Variants in CASD1 observed in about 807,000 individuals in gnomAD.
The protein encoded by CASD1 is N-acetylneuraminate (7)9-O-acetyltransferase.
CASD1 carries 41 observed loss-of-function variants against 100.0 expected under a neutral mutation model. The observed-to-expected ratio is 0.41, with a 90% CI of 0.32 to 0.53. The LOEUF (loss-of-function observed/expected upper bound fraction) is 0.53. Ranked by LOEUF, CASD1 falls within the 20% of genes least tolerant of loss-of-function variation. The probability of loss-of-function intolerance (pLI) is 0.25; values close to 1 mark genes in which losing one functional copy is unlikely to be tolerated. For synonymous variants in CASD1, 321 were observed against 315.6 expected (o/e 1.02, Z -0.18); for missense variants, 774 against 948.7 (o/e 0.82, Z 2.42).
intron 10 of CASD1, among the ~76,000 whole-genome samples, chr7:94,543,616 C>G (rs1216568864): frequency 6.6e-6 from 1 of 151,054 alleles, no homozygotes; most frequent in African/African-American, 2.4e-5. Context: ...GATCACGCCA[C>G]TGCATTCCAG....
At chr7:94,570,741 C>G in the CASD1 span, among the ~76,000 whole-genome samples, 1 of 152,050 alleles carries the variant, frequency 6.6e-6, no homozygotes, top group Non-Finnish European at 1.5e-5. Flanking sequence ...GTGATCCAAC[C>G]ACCTTGGCCT....
At chr7:94,632,724 C>A in the CASD1 span, among the ~76,000 whole-genome samples, 1 of 152,072 alleles carries the variant, frequency 6.6e-6, no homozygotes, top group Non-Finnish European at 1.5e-5. Flanking sequence ...CTTTCCCTTT[C>A]GCATTTGTTA....
chr7:94,610,010 A>C, the CASD1 span, among the ~76,000 whole-genome samples: 1 of 152,324 alleles, frequency 6.6e-6, no homozygotes, highest in East Asian at 1.9e-4. Flanking sequence ...CAGAAAATGG[A>C]ATATTATTCA....
intron 14 of CASD1, among the ~76,000 whole-genome samples, 182 bp downstream of exon 14, chr7:94,549,816 A>T (rs1020989699): frequency 3.3e-5 from 5 of 152,060 alleles, no homozygotes; most frequent in Admixed American, 6.6e-5. Context: ...AAGGGTATGC[A>T]TGTGTATATA....
the CASD1 span, among the ~76,000 whole-genome samples, chr7:94,605,709 C>A: frequency 6.6e-6 from 1 of 151,526 alleles, no homozygotes; most frequent in Non-Finnish European, 1.5e-5. Flanking sequence ...AGAAAACAAT[C>A]ATAAAAAATG....
At chr7:94,526,638 A>G (rs951734753) in intron 3 of CASD1, among the ~76,000 whole-genome samples, 1 of 152,168 alleles carries the variant, frequency 6.6e-6, no homozygotes, top group African/African-American at 2.4e-5. Flanking sequence ...AAATTTTTTT[A>G]AAAAATTAGC....
the CASD1 span, among the ~76,000 whole-genome samples, chr7:94,564,573 A>C: frequency 6.6e-6 from 1 of 152,204 alleles, no homozygotes; most frequent in South Asian, 2.1e-4. Context: ...CCAATTATAC[A>C]TTCAGGAAAT....
the CASD1 span, chr7:94,588,657 A>G: frequency 6.4e-7 from 1 of 1,574,330 alleles, no homozygotes; most frequent in African/African-American, 1.3e-5. Context: ...AGATTCATTC[A>G]TAAACATTAA....
chr7:94,531,926 A>C (rs1478829387), intron 5 of CASD1, among the ~76,000 whole-genome samples: 1 of 152,072 alleles, frequency 6.6e-6, no homozygotes, highest in Non-Finnish European at 1.5e-5. Flanking sequence ...TCTTTGTTTT[A>C]TAAGAGATGT....
chr7:94,550,792 G>A (rs551590748), intron 14 of CASD1, among the ~76,000 whole-genome samples: 1 of 152,140 alleles, frequency 6.6e-6, no homozygotes, highest in Non-Finnish European at 1.5e-5. Context: ...TTCAACTTAC[G>A]ATTTTGAGTG....
Position 94,518,251 on chromosome 7 carries a change from T to C in CASD1, c.279T>C (p.Asp93=). ...ATAAACATATTGCATTTATTGGAGA[T>C]TCCAGAATTCGTCAATTGTTTTATT... ...LVDKHIAFIG[D]SRIRQLFYSF... Residue 93 remains aspartate, a synonymous_variant, in exon 3 of 18, where the codon GAT becomes GAC. Transcript: ENST00000297273. 1 of 1,577,214 alleles carries C rather than the reference T, an allele frequency of 6.3e-7. No individual in the cohort carries two copies. The highest frequency in any genetic ancestry group is 1.2e-5 in the South Asian group (1 of 83,670).
At chr7:94,519,631 T>C (rs978165983) in intron 3 of CASD1, among the ~76,000 whole-genome samples, 6 of 152,086 alleles carry the variant, frequency 3.9e-5, no homozygotes, top group Admixed American at 2.6e-4. Flanking sequence ...ATTATTACAA[T>C]TTAAAGTGAA....
At position 94,539,032 on chromosome 7, in the gene CASD1, T is replaced by A. The variant is rs200456911; in HGVS notation, c.1332T>A (p.Ile444=). 6.2e-7 allele frequency: 1 copy of A among 1,603,978 alleles called. No homozygotes were observed. The highest frequency in any genetic ancestry group is 8.5e-7 in the Non-Finnish European group (1 of 1,171,258). The change falls in exon 10 of 18, where the codon ATT becomes ATA. Residue 444 remains isoleucine, a synonymous_variant. Transcript: ENST00000297273. ...WKGWMQLVIL[I]YHISGASTFL... is the part of the protein sequence containing the mutation. ...GCTGGATGCAACTTGTGATTTTGATTTATCACATTTCTGGAGCAAGTACAG... is the reference window on the plus strand; with the variant it reads ...GCTGGATGCAACTTGTGATTTTGATATATCACATTTCTGGAGCAAGTACAG...
chr7:94,618,076 C>G, the CASD1 span: 1 of 152,204 alleles, frequency 6.6e-6, no homozygotes, highest in African/African-American at 2.4e-5. Context: ...TTTACCCAGG[C>G]AGGATTCTTT....
the CASD1 span, among the ~76,000 whole-genome samples, chr7:94,566,124 A>G: frequency 1.3e-5 from 2 of 152,122 alleles, no homozygotes; most frequent in South Asian, 4.1e-4. Context: ...TGAGCAGCAT[A>G]TTTTCATGTC....
downstream of CASD1, among the ~76,000 whole-genome samples, chr7:94,561,771 C>T (rs112337517): frequency 1.6e-4 from 24 of 152,090 alleles, 1 homozygote; most frequent in East Asian, 1.7e-3. Context: ...AGTCATGAAC[C>T]GTCAGCTAGC....
the CASD1 span, among the ~76,000 whole-genome samples, chr7:94,601,252 T>G: frequency 2.0e-5 from 3 of 151,200 alleles, no homozygotes; most frequent in East Asian, 5.8e-4. Context: ...AACCTAAAAC[T>G]GGCTGAAAAC....
the CASD1 span, chr7:94,616,851 A>G: frequency 1.3e-5 from 2 of 152,212 alleles, no homozygotes; most frequent in African/African-American, 4.8e-5. Context: ...AATTTATAGA[A>G]ATGCTATTTT....
At chr7:94,624,298 CT>C in the CASD1 span, 1 of 397,400 alleles carries the variant, frequency 2.5e-6, no homozygotes, top group Non-Finnish European at 4.4e-6. Flanking sequence ...AAATAAATAT[CT>C]TGTGCATTTT....
Sources: allele counts gnomAD v4.1 joint callset (sites outside exome capture counted in the v4.1 genomes callset), GRCh38; gene constraint gnomAD v4.1.1; transcripts MANE v1.5; gene names NCBI Gene and HGNC (gene_info 2026-07-23, HGNC 2026-07-21).